Variants in CSTPP1 observed in about 807,000 individuals in gnomAD.
CSTPP1 encodes the protein centriolar satellite-associated tubulin polyglutamylase complex regulator 1.
the CSTPP1 span, among the ~76,000 whole-genome samples, chr11:47,110,356 A>G: frequency 6.6e-6 from 1 of 152,228 alleles, no homozygotes; most frequent in Non-Finnish European, 1.5e-5. Flanking sequence ...GCAAATATCC[A>G]TGGTTACTAT....
chr11:47,104,168 T>G, the CSTPP1 span, among the ~76,000 whole-genome samples: 20 of 152,316 alleles, frequency 1.3e-4, no homozygotes, highest in Admixed American at 5.2e-4. Flanking sequence ...ATGGGTATTT[T>G]ACTGCCTTAA....
the CSTPP1 span, among the ~76,000 whole-genome samples, chr11:47,142,936 C>G: frequency 2.6e-5 from 4 of 152,202 alleles, no homozygotes; most frequent in East Asian, 7.7e-4. Context: ...ACCTTTCTGT[C>G]TGAGCAGGAG....
chr11:47,052,487 G>A, the CSTPP1 span: 2 of 1,613,986 alleles, frequency 1.2e-6, no homozygotes, highest in Admixed American at 1.7e-5. Flanking sequence ...GGGCCTTCTG[G>A]AGATGCTTCC....
chr11:47,121,036 A>G, the CSTPP1 span, among the ~76,000 whole-genome samples: 1 of 152,216 alleles, frequency 6.6e-6, no homozygotes, highest in Non-Finnish European at 1.5e-5. Flanking sequence ...CTGCCATCTT[A>G]TGTAATTTAA....
chr11:47,109,907 C>T, the CSTPP1 span, among the ~76,000 whole-genome samples: 1 of 152,226 alleles, frequency 6.6e-6, no homozygotes, highest in Non-Finnish European at 1.5e-5. Context: ...AATGGAGAGG[C>T]GGGAAGCAAA....
the CSTPP1 span, among the ~76,000 whole-genome samples, chr11:46,988,577 G>A: frequency 1.3e-5 from 2 of 150,116 alleles, no homozygotes; most frequent in South Asian, 2.2e-4. Context: ...AGGGTAGCAG[G>A]GGGCTGGGGG....
At chr11:46,988,095 C>A in the CSTPP1 span, among the ~76,000 whole-genome samples, 5 of 152,064 alleles carry the variant, frequency 3.3e-5, no homozygotes, top group African/African-American at 1.2e-4. Flanking sequence ...GAAAGGGAAC[C>A]CTTCTACACT....
At chr11:46,970,878 A>G in the CSTPP1 span, among the ~76,000 whole-genome samples, 1 of 152,226 alleles carries the variant, frequency 6.6e-6, no homozygotes, top group Non-Finnish European at 1.5e-5. Flanking sequence ...ATGCCCATCA[A>G]TAAGGGAACA....
the CSTPP1 span, among the ~76,000 whole-genome samples, chr11:47,079,648 G>T: frequency 6.6e-6 from 1 of 152,050 alleles, no homozygotes; most frequent in South Asian, 2.1e-4. Flanking sequence ...GTATTTTTAT[G>T]CATTGTTGTC....
At chr11:47,102,878 A>C in the CSTPP1 span, among the ~76,000 whole-genome samples, 1 of 151,786 alleles carries the variant, frequency 6.6e-6, no homozygotes, top group South Asian at 2.1e-4. Flanking sequence ...AATACTTTGC[A>C]CTTTAAAATG....
the CSTPP1 span, among the ~76,000 whole-genome samples, chr11:47,004,197 T>C: frequency 6.6e-6 from 1 of 151,876 alleles, no homozygotes; most frequent in South Asian, 2.1e-4. Context: ...TTTTTTTTTT[T>C]TGAGATAGTG....
the CSTPP1 span, among the ~76,000 whole-genome samples, chr11:47,003,956 A>G: frequency 1.3e-5 from 2 of 152,174 alleles, no homozygotes; most frequent in Non-Finnish European, 2.9e-5. Flanking sequence ...ATCACATGAA[A>G]TTACACATGC....
At chr11:46,992,442 A>C in the CSTPP1 span, among the ~76,000 whole-genome samples, 1 of 131,906 alleles carries the variant, frequency 7.6e-6, no homozygotes, top group Non-Finnish European at 1.5e-5. Context: ...CCTGTGTCCA[A>C]GTGTTTTCAT....
chr11:47,153,823 T>C, the CSTPP1 span, among the ~76,000 whole-genome samples: 4 of 152,190 alleles, frequency 2.6e-5, no homozygotes, highest in African/African-American at 9.6e-5. Flanking sequence ...GTGAAGCCCT[T>C]TCCCCAGCAG....
At chr11:47,138,250 C>T in the CSTPP1 span, among the ~76,000 whole-genome samples, 4 of 152,264 alleles carry the variant, frequency 2.6e-5, no homozygotes, top group Admixed American at 6.5e-5. Context: ...AAATGTCAGA[C>T]GCTTATAAAA....
At chr11:46,947,341 G>GCTCA in the CSTPP1 span, among the ~76,000 whole-genome samples, 1 of 152,152 alleles carries the variant, frequency 6.6e-6, no homozygotes, top group Non-Finnish European at 1.5e-5. Context: ...TTAGGAAATA[G>GCTCA]CTCATTCTAT....
the CSTPP1 span, among the ~76,000 whole-genome samples, chr11:47,149,784 T>A: frequency 6.6e-6 from 1 of 152,032 alleles, no homozygotes; most frequent in African/African-American, 2.4e-5. Context: ...CCCCACTAGA[T>A]TTAACACTAA....
the CSTPP1 span, among the ~76,000 whole-genome samples, chr11:47,152,928 TAAAGG>T: frequency 6.6e-6 from 1 of 152,194 alleles, no homozygotes; most frequent in East Asian, 1.9e-4. Flanking sequence ...AACAGGGCAG[TAAAGG>T]AAAGTCAGTG....
chr11:47,057,876 C>T, the CSTPP1 span, among the ~76,000 whole-genome samples: 35 of 152,250 alleles, frequency 2.3e-4, no homozygotes, highest in East Asian at 2.7e-3. Flanking sequence ...CAAAACACAC[C>T]GGGCACTGGG....
Sources: gnomAD v4.1 joint callset for allele counts (sites outside exome capture counted in the v4.1 genomes callset) on GRCh38, gnomAD v4.1.1 for gene constraint, MANE v1.5 for transcripts, NCBI Gene and HGNC (gene_info 2026-07-23, HGNC 2026-07-21) for gene names.